ZNF676: variants seen among roughly 807,000 people sequenced by gnomAD.
ZNF676 encodes zinc finger protein 676.
A neutral mutation model predicts 6.0 loss-of-function variants in ZNF676; 4 were observed. That is an observed-to-expected ratio of 0.67 (90% CI 0.33 to 1.53). The LOEUF is 1.53. Ranked by LOEUF, ZNF676 falls within the 40% of genes most tolerant of loss-of-function variation. The pLI is 0.06. For synonymous variants in ZNF676, 198 were observed against 223.1 expected (o/e 0.89, Z 1.00); for missense variants, 644 against 679.7 (o/e 0.95, Z 0.58).
intron 1 of ZNF676, among the ~76,000 whole-genome samples, chr19:22,207,009 C>T (rs541299895): frequency 1.3e-5 from 2 of 152,288 alleles, no homozygotes; most frequent in South Asian, 2.1e-4. Context: ...AACCTGGAAG[C>T]ATTCCTTCTT....
At chr19:22,251,788 A>AG in the ZNF676 span, among the ~76,000 whole-genome samples, 3 of 146,136 alleles carry the variant, frequency 2.1e-5, no homozygotes, top group Non-Finnish European at 4.5e-5. Flanking sequence ...CTCCATCTCA[A>AG]AAAAAAAAAA....
chr19:22,248,309 C>T, the ZNF676 span, among the ~76,000 whole-genome samples: 3 of 152,204 alleles, frequency 2.0e-5, no homozygotes, highest in Non-Finnish European at 2.9e-5. Context: ...TCTAGATCCC[C>T]GAAGAATCAC....
upstream of ZNF676, among the ~76,000 whole-genome samples, chr19:22,199,503 T>C (rs2024003265): frequency 2.0e-5 from 3 of 152,356 alleles, no homozygotes; most frequent in South Asian, 6.2e-4. Flanking sequence ...AGTACTGTGA[T>C]AGCACATTAT....
upstream of ZNF676, among the ~76,000 whole-genome samples, chr19:22,200,139 A>T (rs2024009367): frequency 6.6e-6 from 1 of 152,030 alleles, no homozygotes; most frequent in Non-Finnish European, 1.5e-5. Context: ...TTTAAATCTT[A>T]CTTAAGTAAA....
upstream of ZNF676, among the ~76,000 whole-genome samples, chr19:22,201,232 A>G (rs530627698): frequency 6.6e-6 from 1 of 152,232 alleles, no homozygotes; most frequent in South Asian, 2.1e-4. Context: ...CCTTAAGATG[A>G]TTGTTTACAC....
At chr19:22,251,680 G>C in the ZNF676 span, among the ~76,000 whole-genome samples, 180 of 151,656 alleles carry the variant, frequency 1.2e-3, no homozygotes, top group African/African-American at 4.0e-3. Flanking sequence ...CCCAGCTACT[G>C]AGGAAGCTAA....
intron 2 of ZNF676, among the ~76,000 whole-genome samples, chr19:22,192,024 C>T (rs1452603053): frequency 6.6e-6 from 1 of 152,114 alleles, no homozygotes; most frequent in Non-Finnish European, 1.5e-5. Flanking sequence ...AAATTGAAGG[C>T]AAATAAGTAA....
intron 2 of ZNF676, among the ~76,000 whole-genome samples, chr19:22,186,254 C>T (rs1258599549): frequency 6.6e-6 from 1 of 152,150 alleles, no homozygotes; most frequent in Non-Finnish European, 1.5e-5. Context: ...GAATTTTCAA[C>T]CCAGAATTTC....
At chr19:22,223,088 G>T in the ZNF676 span, among the ~76,000 whole-genome samples, 2 of 152,098 alleles carry the variant, frequency 1.3e-5, no homozygotes, top group Non-Finnish European at 2.9e-5. Context: ...AAGGGCAGAA[G>T]CTCTCCCAGG....
rs758734009 is a variant in ZNF676 at position 22,180,295 on chromosome 19, C to A, written c.1422G>T (p.Glu474Asp). ...CACATTCTTCACATTTGTAAGGTTTCTCTGCAGCATGAATTCTCTTGTGTT... is the reference window on the plus strand; with the variant it reads ...CACATTCTTCACATTTGTAAGGTTTATCTGCAGCATGAATTCTCTTGTGTT... Reference protein sequence around the residue: ...FTKHKRIHAAEKPYKCEECGK... With the variant: ...FTKHKRIHAADKPYKCEECGK... Residue 474 changes from glutamate to aspartate, a missense_variant, in exon 3 of 3, where the codon GAG (glutamate) becomes GAT (aspartate). By Grantham distance (45) the Glu-to-Asp change is conservative. This residue lies in a region of ZNF676 where 306 missense variants were observed against 265.4 expected (regional missense o/e 1.15). Coordinates refer to ENST00000397121, the MANE Select transcript of ZNF676 (RefSeq NM_001001411.3). 4.3e-6 allele frequency: 7 copies of A among 1,612,684 alleles called. No homozygotes were observed. The Admixed American group carries it at 1.0e-4, about 23-fold the overall frequency.
chr19:22,194,183 A>G (rs2023943139), intron 1 of ZNF676, among the ~76,000 whole-genome samples: 1 of 152,146 alleles, frequency 6.6e-6, no homozygotes, highest in African/African-American at 2.4e-5. Context: ...CTGAAGAGGG[A>G]GTTCCAGTGC....
chr19:22,203,245 G>C (rs1467914850), intron 1 of ZNF676: 1 of 156,872 alleles, frequency 6.4e-6, no homozygotes, highest in African/African-American at 2.4e-5. Flanking sequence ...TTATAATGGC[G>C]GCATGAAAAA....
chr19:22,190,966 C>T lies in ZNF676; in HGVS notation c.130+2050G>A, dbSNP rs191664836. Among the ~76,000 whole-genome samples, 36 of 151,942 alleles carry T rather than the reference C, an allele frequency of 2.4e-4. No individual in the cohort carries two copies. The East Asian group carries it at 6.8e-3, about 29-fold the overall frequency. ...TAGAAACAGATAAAAAGAAAAAGGT[C>T]CCCTATTTGCTTAACCCCCAACAGC... On this transcript the variant is annotated intron_variant, in intron 2 of 2. Coordinates refer to ENST00000397121, the MANE Select transcript of ZNF676 (RefSeq NM_001001411.3).
chr19:22,232,766 A>C, the ZNF676 span, among the ~76,000 whole-genome samples: 2 of 152,116 alleles, frequency 1.3e-5, no homozygotes, highest in Non-Finnish European at 2.9e-5. Flanking sequence ...ATAGAAAAAA[A>C]AACCTGAAAA....
the ZNF676 span, among the ~76,000 whole-genome samples, chr19:22,256,240 T>C: frequency 0.35 from 52,569 of 152,138 alleles, 10,389 homozygotes; most frequent in Non-Finnish European, 0.45. Flanking sequence ...ACCTGTGAGA[T>C]GGGACATGTA....
upstream of ZNF676, among the ~76,000 whole-genome samples, chr19:22,198,036 T>A (rs904124542): frequency 1.3e-5 from 2 of 152,168 alleles, no homozygotes; most frequent in African/African-American, 4.8e-5. Context: ...AGAGCAGGTA[T>A]CTCCTAACAA....
intron 1 of ZNF676, among the ~76,000 whole-genome samples, chr19:22,213,388 A>G (rs281180): frequency 0.42 from 64,401 of 152,010 alleles, 14,466 homozygotes; most frequent in African/African-American, 0.58. Context: ...TTGTCTGAAC[A>G]GCAATGTGTC....
chr19:22,200,212 C>T (rs1488847076), upstream of ZNF676, among the ~76,000 whole-genome samples: 2 of 151,496 alleles, frequency 1.3e-5, no homozygotes, highest in Non-Finnish European at 1.5e-5. Context: ...TTTTATATTA[C>T]ATACTAATAA....
chr19:22,196,864 T>A lies in ZNF676; in HGVS notation c.-231A>T, dbSNP rs368104174. On this transcript the variant is annotated 5_prime_UTR_variant, in exon 1 of 3. Coordinates refer to ENST00000397121, the MANE Select transcript of ZNF676 (RefSeq NM_001001411.3). ...TGACTGAAATTATTCAATAAAATAGTTTTCAACACAGAAATGTTCACTAAT... is the reference window on the plus strand; with the variant it reads ...TGACTGAAATTATTCAATAAAATAGATTTCAACACAGAAATGTTCACTAAT... The A allele has an allele frequency of 3.6e-6, 3 of 835,900 alleles. No individual in the cohort carries two copies. Among genetic ancestry groups the A allele is most frequent in the East Asian group, 5.2e-5 (2 of 38,752 alleles). 51.8% of individuals were successfully genotyped at this position (835,900 alleles called of 1,614,324 possible). A position where few individuals can be genotyped will look rare whatever the true frequency, so the allele number is the denominator to read the frequency against.
Sources: gnomAD v4.1 joint callset for allele counts (sites outside exome capture counted in the v4.1 genomes callset) on GRCh38, gnomAD v4.1.1 for gene constraint, gnomAD v4.1.1 regional missense constraint, MANE v1.5 for transcripts, NCBI Gene and HGNC (gene_info 2026-07-23, HGNC 2026-07-21) for gene names.